The following PPP1R9A variants were observed in gnomAD, a reference collection of about 807,000 sequenced individuals.
The protein encoded by PPP1R9A is neurabin-1.
In PPP1R9A, 59 loss-of-function variants were observed where a neutral mutation model predicts 141.9. The observed-to-expected ratio is 0.42, with a 90% CI of 0.34 to 0.52. PPP1R9A has a LOEUF of 0.52. Ranked by LOEUF, PPP1R9A falls within the 20% of genes least tolerant of loss-of-function variation. The probability of loss-of-function intolerance (pLI) is 0.10; values close to 1 mark genes in which losing one functional copy is unlikely to be tolerated. For missense variants in PPP1R9A, 1,444 were observed against 1,611.9 expected (o/e 0.90, Z 1.78); for synonymous variants, 500 against 569.7 (o/e 0.88, Z 1.74).
chr7:95,208,723 CA>C (rs534705039), intron 7 of PPP1R9A, among the ~76,000 whole-genome samples: 7 of 143,308 alleles, frequency 4.9e-5, no homozygotes, highest in Admixed American at 7.0e-5. Context: ...GACTCTGTCT[CA>C]AAAAAAAAAT....
At chr7:94,960,507 C>T (rs1213888382) in intron 2 of PPP1R9A, among the ~76,000 whole-genome samples, 3 of 151,726 alleles carry the variant, frequency 2.0e-5, no homozygotes, top group South Asian at 4.2e-4. Context: ...AGAGAAAGCT[C>T]CTGAAACCCT....
chr7:95,183,735 C>T (rs1834222591), intron 5 of PPP1R9A, among the ~76,000 whole-genome samples: 1 of 152,050 alleles, frequency 6.6e-6, no homozygotes, highest in Non-Finnish European at 1.5e-5. Flanking sequence ...GCGTGAGCCA[C>T]AGCGCCCAGC....
At chr7:95,112,320 T>A (rs1239100121) in intron 3 of PPP1R9A, among the ~76,000 whole-genome samples, 1 of 152,032 alleles carries the variant, frequency 6.6e-6, no homozygotes, top group Non-Finnish European at 1.5e-5. Context: ...ACACTCCACA[T>A]CACTAATCAT....
At chr7:95,095,907 G>A (rs1817949522) in intron 2 of PPP1R9A, among the ~76,000 whole-genome samples, 1 of 152,016 alleles carries the variant, frequency 6.6e-6, no homozygotes, top group Non-Finnish European at 1.5e-5. Context: ...TCTGGCCTCA[G>A]CTTGAAGAGT....
intron 2 of PPP1R9A, among the ~76,000 whole-genome samples, chr7:95,080,626 C>T (rs868129323): frequency 3.3e-5 from 5 of 152,104 alleles, no homozygotes; most frequent in Admixed American, 1.3e-4. Context: ...GAGCCCGCAT[C>T]GCCAAGTCAA....
At chr7:95,159,925 C>CAAAAAAAA (rs751687197) in intron 4 of PPP1R9A, among the ~76,000 whole-genome samples, 2 of 106,672 alleles carry the variant, frequency 1.9e-5, no homozygotes, top group African/African-American at 4.0e-5. Context: ...GACATTGTCT[C>CAAAAAAAA]AAAAAAAAAA....
chr7:95,071,120 A>G (rs886445890), intron 2 of PPP1R9A, among the ~76,000 whole-genome samples: 1 of 152,084 alleles, frequency 6.6e-6, no homozygotes, highest in Non-Finnish European at 1.5e-5. Context: ...AAACTAAGTC[A>G]TCATACTTAG....
chr7:95,015,377 T>C lies in PPP1R9A; in HGVS notation c.1396-95882T>C, dbSNP rs563720478. On this transcript the variant is annotated intron_variant, in intron 2 of 19. Coordinates refer to ENST00000433360, the MANE Select transcript of PPP1R9A (RefSeq NM_001166160.2). ...GTCTACACAGAATGATAGGAAGCTT[T>C]ATCAAATATGTCTTTATTTTGCTTT... Among the ~76,000 whole-genome samples, 3 of 152,244 alleles carry C rather than the reference T, an allele frequency of 2.0e-5. No homozygotes were observed. In the South Asian group the frequency reaches 6.2e-4, roughly 32 times the overall value.
In PPP1R9A at chr7:94,919,370, C is replaced by G. The variant is rs1014144930; in HGVS notation, c.1395+7862C>G. ...ATATTGTCTAGGCTGGTCTTGAACT[C>G]CTGGGCTCAAGTGACCCTCTTGCCT... On this transcript the variant is annotated intron_variant, in intron 2 of 19. Coordinates refer to ENST00000433360, the MANE Select transcript of PPP1R9A (RefSeq NM_001166160.2). Among the ~76,000 whole-genome samples, 3 of 144,052 alleles carry G rather than the reference C, an allele frequency of 2.1e-5. No individual in the cohort carries two copies. The Admixed American group carries it at 2.2e-4, about 10-fold the overall frequency. The allele number at this position is 144,052 out of a possible 152,430, so 94.5% of individuals were successfully genotyped here.
At chr7:95,268,422 G>A (rs1426029650) in intron 12 of PPP1R9A, 128 bp from the exon 13 acceptor site, 7 of 942,304 alleles carry the variant, frequency 7.4e-6, no homozygotes, top group Non-Finnish European at 9.4e-6. Flanking sequence ...TTGGTTACAG[G>A]CTGTCATGGT....
At chr7:95,246,176 T>G (rs1313824416) in intron 8 of PPP1R9A, among the ~76,000 whole-genome samples, 1 of 152,020 alleles carries the variant, frequency 6.6e-6, no homozygotes, top group Non-Finnish European at 1.5e-5. Context: ...TTCCCATGTG[T>G]CCCCATGAAC....
chr7:95,221,891 A>T (rs951654274), intron 7 of PPP1R9A, among the ~76,000 whole-genome samples: 1 of 152,074 alleles, frequency 6.6e-6, no homozygotes, highest in Admixed American at 6.6e-5. Flanking sequence ...AGCCAAGAGG[A>T]AGACTTGGCC....
At chr7:95,175,461 A>G (rs866396100) in intron 5 of PPP1R9A, among the ~76,000 whole-genome samples, 2 of 152,042 alleles carry the variant, frequency 1.3e-5, no homozygotes, top group African/African-American at 2.4e-5. Flanking sequence ...TTTTCCTTCT[A>G]TATATAAAAG....
chr7:95,207,820 TA>T (rs1791170009), intron 7 of PPP1R9A, among the ~76,000 whole-genome samples: 2 of 152,154 alleles, frequency 1.3e-5, no homozygotes, highest in Admixed American at 6.5e-5. Context: ...TCTATTTCAA[TA>T]TGTCTGCAAA....
At chr7:95,145,338 A>G (rs564778883) in intron 4 of PPP1R9A, among the ~76,000 whole-genome samples, 2 of 152,322 alleles carry the variant, frequency 1.3e-5, no homozygotes, top group South Asian at 4.1e-4. Flanking sequence ...AGTGGTGAAG[A>G]CCAAACTATA....
At chr7:95,160,383 C>G (rs1490122772) in intron 4 of PPP1R9A, among the ~76,000 whole-genome samples, 1 of 151,932 alleles carries the variant, frequency 6.6e-6, no homozygotes, top group Non-Finnish European at 1.5e-5. Flanking sequence ...TTATTAAGGA[C>G]AAAAATGATA....
At chr7:95,254,002 A>C (rs1367491589) in intron 12 of PPP1R9A, among the ~76,000 whole-genome samples, 2 of 152,106 alleles carry the variant, frequency 1.3e-5, no homozygotes, top group East Asian at 3.9e-4. Flanking sequence ...ATATGACTAC[A>C]GAAGATCAAC....
chr7:95,220,977 A>ACAGGTAT (rs1794368438), intron 7 of PPP1R9A, among the ~76,000 whole-genome samples: 1 of 152,076 alleles, frequency 6.6e-6, no homozygotes, highest in Admixed American at 6.6e-5. Flanking sequence ...AAGTAGAGGA[A>ACAGGTAT]CAGGTATATA....
At chr7:95,150,377 A>G (rs566768299) in intron 4 of PPP1R9A, among the ~76,000 whole-genome samples, 3 of 152,308 alleles carry the variant, frequency 2.0e-5, no homozygotes, top group East Asian at 1.9e-4. Flanking sequence ...ATCTCGGCTC[A>G]CTGCAACCTG....
Sources: gnomAD v4.1 joint callset for allele counts (sites outside exome capture counted in the v4.1 genomes callset) on GRCh38, gnomAD v4.1.1 for gene constraint, MANE v1.5 for transcripts, NCBI Gene and HGNC (gene_info 2026-07-23, HGNC 2026-07-21) for gene names.